SYT1: variants seen among roughly 807,000 people sequenced by gnomAD.
The protein encoded by SYT1 is synaptotagmin 1.
In SYT1, 8 loss-of-function variants were observed where a neutral mutation model predicts 44.8. That is an observed-to-expected ratio of 0.18 (90% confidence interval 0.10 to 0.32). SYT1 has a LOEUF of 0.32. Among genes scored for constraint, SYT1 ranks in the 10% least tolerant of loss-of-function variants. The pLI is 1.00. For missense variants in SYT1, 286 were observed against 509.3 expected, an observed-to-expected ratio of 0.56 and a Z score of 4.22; for synonymous variants, 154 against 188.8, an observed-to-expected ratio of 0.82 and a Z score of 1.51.
chr12:78,944,452 G>T (rs1472711874), intron 1 of SYT1, among the ~76,000 whole-genome samples: 1 of 151,744 alleles, frequency 6.6e-6, no homozygotes, highest in Non-Finnish European at 1.5e-5. Flanking sequence ...TTTTATTTGT[G>T]TACCATCTAA....
chr12:79,106,532 A>G (rs1276577454), intron 3 of SYT1, among the ~76,000 whole-genome samples: 1 of 150,430 alleles, frequency 6.6e-6, no homozygotes, highest in Non-Finnish European at 1.5e-5. Flanking sequence ...AATGAAAATG[A>G]TGTAAAAATT....
intron 1 of SYT1, among the ~76,000 whole-genome samples, chr12:78,905,295 C>A (rs924018009): frequency 6.6e-6 from 1 of 152,114 alleles, no homozygotes; most frequent in Admixed American, 6.6e-5. Flanking sequence ...ACTGACTTAC[C>A]TACACACTTC....
chr12:79,157,307 C>G (rs1210654446), intron 3 of SYT1, among the ~76,000 whole-genome samples: 2 of 152,162 alleles, frequency 1.3e-5, no homozygotes, highest in African/African-American at 4.8e-5. Context: ...ATGCAGGTGG[C>G]TGAAGTATGA....
chr12:78,940,805 A>T (rs1056340572), intron 1 of SYT1, among the ~76,000 whole-genome samples: 8 of 152,174 alleles, frequency 5.3e-5, no homozygotes, highest in African/African-American at 1.9e-4. Context: ...GGGCATGGTT[A>T]TCAAAGCATT....
At chr12:78,938,621 T>A (rs1878192163) in intron 1 of SYT1, among the ~76,000 whole-genome samples, 1 of 152,160 alleles carries the variant, frequency 6.6e-6, no homozygotes, top group South Asian at 2.1e-4. Flanking sequence ...CATACTAAAT[T>A]ACAGAAACGA....
intron 3 of SYT1, among the ~76,000 whole-genome samples, chr12:79,132,548 A>G (rs889126224): frequency 9.2e-5 from 14 of 151,754 alleles, no homozygotes; most frequent in Non-Finnish European, 1.8e-4. Context: ...AATCATCTTA[A>G]CCCGGTTAGG....
chr12:79,405,145 T>C (rs1380406183), intron 9 of SYT1, among the ~76,000 whole-genome samples: 2 of 152,210 alleles, frequency 1.3e-5, no homozygotes, highest in Non-Finnish European at 2.9e-5. Context: ...GTCATTAGCA[T>C]TTTCTAAAGT....
intron 3 of SYT1, among the ~76,000 whole-genome samples, chr12:79,070,002 T>C (rs1174099914): frequency 1.3e-5 from 2 of 152,122 alleles, no homozygotes; most frequent in Non-Finnish European, 2.9e-5. Flanking sequence ...ATAAGAGTGT[T>C]CAAATGCCTT....
At chr12:78,867,221 G>A (rs1395096562) in intron 1 of SYT1, among the ~76,000 whole-genome samples, 1 of 152,116 alleles carries the variant, frequency 6.6e-6, no homozygotes, top group East Asian at 1.9e-4. Flanking sequence ...AAGGAAGCCA[G>A]CTGCCTTCAT....
chr12:79,284,071 T>C (rs764703246), intron 4 of SYT1, among the ~76,000 whole-genome samples: 2 of 149,586 alleles, frequency 1.3e-5, no homozygotes, highest in Non-Finnish European at 3.0e-5. Flanking sequence ...TATTTGGCTT[T>C]TTCTTATCAT....
intron 8 of SYT1, among the ~76,000 whole-genome samples, chr12:79,325,027 C>T (rs1034617061): frequency 6.6e-6 from 1 of 152,060 alleles, no homozygotes; most frequent in Non-Finnish European, 1.5e-5. Flanking sequence ...TTTCCTTTTC[C>T]TGGCCAACTA....
chr12:79,374,556 A>T (rs2136056623), intron 9 of SYT1, among the ~76,000 whole-genome samples: 1 of 152,294 alleles, frequency 6.6e-6, no homozygotes, highest in South Asian at 2.1e-4. Flanking sequence ...TAAAAAGAAA[A>T]ACAGATGATG....
intron 1 of SYT1, among the ~76,000 whole-genome samples, chr12:78,962,175 T>A (rs1879539063): frequency 6.6e-6 from 1 of 152,152 alleles, no homozygotes; most frequent in African/African-American, 2.4e-5. Flanking sequence ...GTCACTCAGC[T>A]AACTTAAGGA....
intron 3 of SYT1, among the ~76,000 whole-genome samples, chr12:79,124,556 A>G (rs1381433678): frequency 6.6e-6 from 1 of 152,010 alleles, no homozygotes; most frequent in Non-Finnish European, 1.5e-5. Flanking sequence ...CACCATTGCC[A>G]TCATCATCAT....
intron 9 of SYT1, among the ~76,000 whole-genome samples, chr12:79,391,736 C>A (rs1311377541): frequency 6.6e-6 from 1 of 152,072 alleles, no homozygotes; most frequent in Non-Finnish European, 1.5e-5. Flanking sequence ...ATGATTACAC[C>A]ACTTAGAAAA....
chr12:79,116,507 T>C (rs1167570057), intron 3 of SYT1, among the ~76,000 whole-genome samples: 1 of 152,170 alleles, frequency 6.6e-6, no homozygotes, highest in African/African-American at 2.4e-5. Context: ...TCTTATTTCA[T>C]AAGTGAGGAA....
chr12:79,373,602 CA>C (rs1314313779), intron 9 of SYT1, among the ~76,000 whole-genome samples: 3 of 151,858 alleles, frequency 2.0e-5, no homozygotes, highest in Non-Finnish European at 2.9e-5. Context: ...ATGGTCACAT[CA>C]AAAAAATGCC....
chr12:79,280,763 C>T (rs376535268), intron 4 of SYT1, among the ~76,000 whole-genome samples: 21 of 151,498 alleles, frequency 1.4e-4, no homozygotes, highest in East Asian at 3.9e-4. Flanking sequence ...ATCCAACAAA[C>T]GGCTAATATC....
intron 8 of SYT1, among the ~76,000 whole-genome samples, chr12:79,313,767 TAA>T (rs1880929875): frequency 6.6e-6 from 1 of 152,108 alleles, no homozygotes; most frequent in Admixed American, 6.6e-5. Context: ...AATCCTTTCA[TAA>T]AATGGGATTA....
Sources: allele counts gnomAD v4.1 joint callset (sites outside exome capture counted in the v4.1 genomes callset), GRCh38; gene constraint gnomAD v4.1.1; transcripts MANE v1.5; gene names NCBI Gene and HGNC (gene_info 2026-07-23, HGNC 2026-07-21).